The following RXFP1 variants were observed in gnomAD, a reference collection of about 807,000 sequenced individuals.
RXFP1 encodes relaxin receptor 1.
In RXFP1, 73 loss-of-function variants were observed where a neutral mutation model predicts 89.8. The ratio of observed to expected loss-of-function variants is 0.81; its 90% CI spans 0.67 to 0.99. The LOEUF is 0.99. Ranked by LOEUF, RXFP1 falls within the 50% of genes least tolerant of loss-of-function variation. The probability of loss-of-function intolerance (pLI) is 0.00; values close to 1 mark genes in which losing one functional copy is unlikely to be tolerated. For missense variants in RXFP1, 793 were observed against 895.5 expected, an observed-to-expected ratio of 0.89 and a Z score of 1.46; for synonymous variants, 277 against 305.5, an observed-to-expected ratio of 0.91 and a Z score of 0.97.
intron 5 of RXFP1, among the ~76,000 whole-genome samples, chr4:158,606,647 G>A (rs986357435): frequency 1.3e-5 from 2 of 151,956 alleles, no homozygotes; most frequent in African/African-American, 4.8e-5. Flanking sequence ...GCAGTAGTAT[G>A]ATCATAGTTC....
Position 158,651,716 on chromosome 4 carries a change from A to T in RXFP1, c.1976-41A>T, listed in dbSNP as rs1485985084. 4 of 1,482,646 alleles carry T rather than the reference A, an allele frequency of 2.7e-6. No homozygotes were observed. The Admixed American group carries it at 6.4e-5, about 24-fold the overall frequency. 91.8% of individuals were successfully genotyped at this position (1,482,646 alleles called of 1,614,324 possible). A position where few individuals can be genotyped will look rare whatever the true frequency, so the allele number is the denominator to read the frequency against. On this transcript the variant is annotated intron_variant, in intron 17 of 17. Transcript: ENST00000307765. Reference sequence around the variant, plus strand: ...GAAATTGGGTTTCTATACCTTGTAAACATCTATAAACACTAAAACTATTTC... The same window carrying T: ...GAAATTGGGTTTCTATACCTTGTAATCATCTATAAACACTAAAACTATTTC...
At chr4:158,534,005 G>A (rs1330706568) in intron 1 of RXFP1, among the ~76,000 whole-genome samples, 1 of 152,074 alleles carries the variant, frequency 6.6e-6, no homozygotes, top group African/African-American at 2.4e-5. Flanking sequence ...CTGATGCAAT[G>A]TCTAAAACAA....
chr4:158,639,133 T>C (rs1769840970), intron 13 of RXFP1, 127 bp from the exon 14 acceptor site: 5 of 571,852 alleles, frequency 8.7e-6, no homozygotes, highest in Non-Finnish European at 1.6e-5. Flanking sequence ...GGGTTGAGTA[T>C]AATTATTTTG....
chr4:158,527,785 G>A (rs1288461905), intron 1 of RXFP1, among the ~76,000 whole-genome samples: 1 of 151,720 alleles, frequency 6.6e-6, no homozygotes, highest in East Asian at 1.9e-4. Context: ...TGGAAGGCAA[G>A]GTAAAGCTAT....
chr4:158,583,550 ATG>A (rs1757764344), intron 2 of RXFP1, among the ~76,000 whole-genome samples: 1 of 152,244 alleles, frequency 6.6e-6, no homozygotes, highest in African/African-American at 2.4e-5. Flanking sequence ...AGGAAAAGTG[ATG>A]TGTCATAAAT....
chr4:158,596,917 GACATTT>G (rs1760726779), intron 3 of RXFP1, among the ~76,000 whole-genome samples: 6 of 152,266 alleles, frequency 3.9e-5, no homozygotes, highest in African/African-American at 1.4e-4. Context: ...CACCCTGGAA[GACATTT>G]GTCACAAGTA....
At chr4:158,633,286 A>AT in intron 11 of RXFP1, 119 bp from the exon 12 acceptor site, 1 of 619,630 alleles carries the variant, frequency 1.6e-6, no homozygotes, top group South Asian at 2.1e-5. Flanking sequence ...ACTTCTGGTG[A>AT]TTAATATAAC....
chr4:158,570,556 A>G (rs1009654294), intron 1 of RXFP1, among the ~76,000 whole-genome samples: 4 of 152,050 alleles, frequency 2.6e-5, no homozygotes, highest in Non-Finnish European at 5.9e-5. Context: ...TACATGTCAA[A>G]TATGTTCACT....
intron 14 of RXFP1, among the ~76,000 whole-genome samples, chr4:158,641,518 A>G (rs2150241587): frequency 6.6e-6 from 1 of 152,332 alleles, no homozygotes; most frequent in Admixed American, 6.5e-5. Flanking sequence ...TCAGCCTAAG[A>G]CACATAGTAA....
intron 3 of RXFP1, among the ~76,000 whole-genome samples, chr4:158,596,396 G>A (rs1297752524): frequency 6.6e-6 from 1 of 151,450 alleles, no homozygotes; most frequent in Admixed American, 6.6e-5. Flanking sequence ...CCCGAGTTTG[G>A]ATTACAGACA....
chr4:158,533,638 T>C (rs184946563), intron 1 of RXFP1, among the ~76,000 whole-genome samples: 1 of 152,204 alleles, frequency 6.6e-6, no homozygotes, highest in South Asian at 2.1e-4. Context: ...TATCTTCATT[T>C]GGTCGTTTAT....
intron 1 of RXFP1, among the ~76,000 whole-genome samples, chr4:158,547,917 G>A (rs1194097697): frequency 6.6e-6 from 1 of 152,190 alleles, no homozygotes. Context: ...TGAAAAAAAT[G>A]TATATTCTGT....
chr4:158,566,562 ACCACGTTGG>A (rs1753599550), intron 1 of RXFP1, among the ~76,000 whole-genome samples: 1 of 152,022 alleles, frequency 6.6e-6, no homozygotes, highest in African/African-American at 2.4e-5. Flanking sequence ...ATGAGGTTTC[ACCACGTTGG>A]CCAGGCTGGT....
intron 2 of RXFP1, among the ~76,000 whole-genome samples, chr4:158,589,908 T>G (rs984991341): frequency 6.6e-6 from 1 of 151,834 alleles, no homozygotes; most frequent in South Asian, 2.1e-4. Context: ...AAAAATTAGC[T>G]GGGCATAGTG....
chr4:158,592,037 C>T (rs1367186307), intron 2 of RXFP1, among the ~76,000 whole-genome samples: 1 of 152,122 alleles, frequency 6.6e-6, no homozygotes. Context: ...TGCACTGTCT[C>T]TTATGTTTCA....
chr4:158,582,525 A>G (rs1029314565), intron 2 of RXFP1, among the ~76,000 whole-genome samples: 6 of 152,112 alleles, frequency 3.9e-5, no homozygotes, highest in African/African-American at 1.4e-4. Flanking sequence ...TTTCACATCC[A>G]GTGCCTCTCC....
chr4:158,601,655 T>G lies in RXFP1; in HGVS notation c.392+2224T>G, dbSNP rs547142251. Among the ~76,000 whole-genome samples, 4 of 152,306 alleles carry G rather than the reference T, an allele frequency of 2.6e-5. No homozygotes were observed. In the East Asian group the frequency reaches 7.7e-4, roughly 29 times the overall value. ...AACTCTATGCTTTATAGCACATACATTAAAAAGTAAACATCAAATTTCATT... is the reference window on the plus strand; with the variant it reads ...AACTCTATGCTTTATAGCACATACAGTAAAAAGTAAACATCAAATTTCATT... On this transcript the variant is annotated intron_variant, in intron 4 of 17. Coordinates refer to ENST00000307765, the MANE Select transcript of RXFP1 (RefSeq NM_021634.4).
intron 1 of RXFP1, among the ~76,000 whole-genome samples, chr4:158,548,434 C>A (rs1216925004): frequency 1.3e-5 from 2 of 152,154 alleles, no homozygotes; most frequent in Non-Finnish European, 2.9e-5. Context: ...TTAATTGGAG[C>A]ATTTAGCCCA....
At chr4:158,573,036 G>C in intron 2 of RXFP1, 1 of 699,920 alleles carries the variant, frequency 1.4e-6, no homozygotes, top group Non-Finnish European at 2.1e-6. Context: ...TTGAGACGGA[G>C]TCTCGCTCTG....
Sources: allele counts gnomAD v4.1 joint callset (sites outside exome capture counted in the v4.1 genomes callset), GRCh38; gene constraint gnomAD v4.1.1; transcripts MANE v1.5; gene names NCBI Gene and HGNC (gene_info 2026-07-23, HGNC 2026-07-21).